GSG1L: variants seen among roughly 807,000 people sequenced by gnomAD.
The protein encoded by GSG1L is GSG1 like.
In GSG1L, 24 loss-of-function variants were observed where a neutral mutation model predicts 42.1. The ratio of observed to expected loss-of-function variants is 0.57; its 90% CI spans 0.41 to 0.80. GSG1L has a LOEUF of 0.80. GSG1L is among the 30% of genes least tolerant of loss of function. The pLI is 0.00. For synonymous variants in GSG1L, 215 were observed against 203.5 expected, an observed-to-expected ratio of 1.06 and a Z score of -0.48; for missense variants, 445 against 472.2, an observed-to-expected ratio of 0.94 and a Z score of 0.53.
intron 5 of GSG1L, among the ~76,000 whole-genome samples, chr16:27,808,765 T>C (rs60304176): frequency 0.17 from 26,500 of 152,100 alleles, 2,361 homozygotes; most frequent in African/African-American, 0.21. Flanking sequence ...CCACCAACAA[T>C]TGCAAGAGCT....
intron 1 of GSG1L, among the ~76,000 whole-genome samples, chr16:27,994,897 G>C (rs548190648): frequency 2.8e-4 from 42 of 152,298 alleles, no homozygotes; most frequent in African/African-American, 9.4e-4. Flanking sequence ...GAATCGTGCA[G>C]TGCACAGCCT....
intron 3 of GSG1L, among the ~76,000 whole-genome samples, chr16:27,853,195 G>A (rs150122808): frequency 1.0e-3 from 159 of 152,306 alleles, no homozygotes; most frequent in African/African-American, 3.5e-3. Context: ...TGTTGGTCAC[G>A]ACGGAGACCA....
intron 6 of GSG1L, among the ~76,000 whole-genome samples, chr16:27,802,349 A>G (rs183402338): frequency 5.3e-5 from 8 of 152,230 alleles, no homozygotes; most frequent in Middle Eastern, 3.4e-3. Flanking sequence ...CATCCAGCCC[A>G]CATTCCCCTG....
rs188171375 is a variant in GSG1L at position 27,821,005 on chromosome 16, C to T, written c.830+7784G>A. 2.7e-3 allele frequency among the ~76,000 whole-genome samples: 417 copies of T among 152,238 alleles called. 5 individuals carry two copies. Among genetic ancestry groups the T allele is most frequent in the Non-Finnish European group, 6.9e-4 (47 of 68,030 alleles). ...TGAAATAGCCTTCCTCACCCACTGC[C>T]GATCTGTCTGGTGAATGCTGCATGA... is the stretch of plus-strand genomic sequence containing the variant. On this transcript the variant is annotated intron_variant, in intron 5 of 6. Transcript: ENST00000447459.
intron 6 of GSG1L, among the ~76,000 whole-genome samples, chr16:27,797,353 T>A (rs1421478532): frequency 6.6e-6 from 1 of 151,464 alleles, no homozygotes; most frequent in East Asian, 1.9e-4. Context: ...TGAAAACCTG[T>A]CTCTACTAAA....
At chr16:27,969,240 T>G (rs180946423) in intron 1 of GSG1L, among the ~76,000 whole-genome samples, 1 of 152,194 alleles carries the variant, frequency 6.6e-6, no homozygotes, top group Non-Finnish European at 1.5e-5. Flanking sequence ...TTCATCACAC[T>G]GAAAAGAAAG....
At chr16:27,982,902 C>G (rs928819332) in intron 1 of GSG1L, among the ~76,000 whole-genome samples, 6 of 152,176 alleles carry the variant, frequency 3.9e-5, no homozygotes, top group Non-Finnish European at 7.3e-5. Flanking sequence ...GTCCCCACCT[C>G]CAACATGGGG....
rs1295105886 is a variant in GSG1L at position 27,843,428 on chromosome 16, A to C, written c.662+1522T>G. Among the ~76,000 whole-genome samples the C allele has an allele frequency of 1.5e-4, 22 of 147,856 alleles. 1 individual carries two copies. The highest frequency in any genetic ancestry group is 1.5e-3 in the Admixed American group (21 of 14,332). ...GCTGGAAATATGGGAAAGAAACCCT[A>C]TCTCTCTGCTGGTATTGCTACAATT... On this transcript the variant is annotated intron_variant, in intron 4 of 6. Transcript: ENST00000447459.
intron 1 of GSG1L, among the ~76,000 whole-genome samples, chr16:27,974,014 C>T (rs2085224585): frequency 6.6e-6 from 1 of 152,094 alleles, no homozygotes. Flanking sequence ...CTCCCATTAC[C>T]CCCTCCCCAT....
chr16:27,847,117 C>T (rs1298524986), intron 3 of GSG1L, among the ~76,000 whole-genome samples: 2 of 152,200 alleles, frequency 1.3e-5, no homozygotes, highest in Non-Finnish European at 2.9e-5. Flanking sequence ...TGAGTTACTG[C>T]ACCTCCTGAA....
intron 2 of GSG1L, among the ~76,000 whole-genome samples, chr16:27,941,054 G>A (rs1475811694): frequency 6.6e-6 from 1 of 151,990 alleles, no homozygotes; most frequent in African/African-American, 2.4e-5. Flanking sequence ...AAAACTCTTA[G>A]TAGAAAACAG....
intron 1 of GSG1L, among the ~76,000 whole-genome samples, chr16:27,975,657 ATCTC>A (rs1267624538): frequency 1.3e-5 from 2 of 152,200 alleles, no homozygotes; most frequent in Non-Finnish European, 2.9e-5. Context: ...TTCATATTCT[ATCTC>A]TCTATCTTAG....
intron 3 of GSG1L, among the ~76,000 whole-genome samples, chr16:27,848,592 C>T (rs766331446): frequency 3.3e-5 from 5 of 152,068 alleles, no homozygotes; most frequent in East Asian, 1.9e-4. Flanking sequence ...CTGCTCTTAA[C>T]GGGCATGGGT....
At chr16:27,793,500 T>A (rs912332285) in intron 6 of GSG1L, among the ~76,000 whole-genome samples, 1 of 151,898 alleles carries the variant, frequency 6.6e-6, no homozygotes. Context: ...TTTGTTTTTT[T>A]AATCTAGAAG....
Position 27,891,211 on chromosome 16 carries a change from G to T in GSG1L, c.398-6573C>A, listed in dbSNP as rs372972379. 2.6e-5 allele frequency among the ~76,000 whole-genome samples: 4 copies of T among 152,302 alleles called. No homozygotes were observed. The East Asian group carries it at 5.8e-4, about 22-fold the overall frequency. ...CTACGCATTCCTGTTTCCCACCAGG[G>T]GACGAGTGCTTTAAAGTGGTGTTGA... On this transcript the variant is annotated intron_variant, in intron 2 of 6. Coordinates refer to ENST00000447459, the MANE Select transcript of GSG1L (RefSeq NM_001109763.2).
intron 2 of GSG1L, among the ~76,000 whole-genome samples, chr16:27,922,670 C>A (rs1414311274): frequency 1.1e-4 from 16 of 152,192 alleles, no homozygotes; most frequent in Admixed American, 1.0e-3. Flanking sequence ...GGTTAGAATC[C>A]AGTGATGGAT....
intron 3 of GSG1L, among the ~76,000 whole-genome samples, chr16:27,873,717 G>C (rs2083851967): frequency 1.3e-5 from 2 of 152,232 alleles, no homozygotes; most frequent in South Asian, 4.1e-4. Flanking sequence ...AAATGAAAGA[G>C]CTGAAGTGTT....
chr16:27,890,138 A>G (rs1423044), intron 2 of GSG1L, among the ~76,000 whole-genome samples: 90,890 of 152,000 alleles, frequency 0.6, 27,791 homozygotes, highest in Admixed American at 0.72. Context: ...TGTGGGGCGT[A>G]GGATTCCCTA....
chr16:27,836,906 G>C (rs867341855), intron 4 of GSG1L, among the ~76,000 whole-genome samples: 14 of 152,140 alleles, frequency 9.2e-5, no homozygotes, highest in Admixed American at 6.5e-5. Context: ...TTGACATTTG[G>C]AGTATGTTTT....
Sources: allele counts gnomAD v4.1 joint callset (sites outside exome capture counted in the v4.1 genomes callset), GRCh38; gene constraint gnomAD v4.1.1; transcripts MANE v1.5; gene names NCBI Gene and HGNC (gene_info 2026-07-23, HGNC 2026-07-21).